GALNT13: variants seen among roughly 807,000 people sequenced by gnomAD.
GALNT13 encodes polypeptide N-acetylgalactosaminyltransferase 13.
A neutral mutation model predicts 64.2 loss-of-function variants in GALNT13; 28 were observed. That is an observed-to-expected ratio of 0.44 (90% CI 0.32 to 0.60). GALNT13 has a LOEUF of 0.60. Ranked by LOEUF, GALNT13 falls within the 20% of genes least tolerant of loss-of-function variation. The pLI is 0.05. For missense variants in GALNT13, 577 were observed against 669.8 expected, an observed-to-expected ratio of 0.86 and a Z score of 1.53; for synonymous variants, 214 against 224.6, an observed-to-expected ratio of 0.95 and a Z score of 0.42.
intron 1 of GALNT13, among the ~76,000 whole-genome samples, chr2:153,883,906 T>A (rs72862089): frequency 0.011 from 1,659 of 152,180 alleles, 14 homozygotes; most frequent in Middle Eastern, 0.054. Flanking sequence ...TTTCAGTCAA[T>A]CTTACTTAAA....
intron 9 of GALNT13, among the ~76,000 whole-genome samples, chr2:154,370,131 A>T (rs1015096288): frequency 6.6e-6 from 1 of 152,040 alleles, no homozygotes; most frequent in African/African-American, 2.4e-5. Flanking sequence ...GTTTCAACAT[A>T]TGAAGTTTAG....
At chr2:153,231,098 C>T in the GALNT13 span, among the ~76,000 whole-genome samples, 1 of 152,096 alleles carries the variant, frequency 6.6e-6, no homozygotes, top group Non-Finnish European at 1.5e-5. Flanking sequence ...GCTCCTTCAT[C>T]GGTTTTAACT....
At chr2:153,588,662 G>A in the GALNT13 span, among the ~76,000 whole-genome samples, 1 of 152,180 alleles carries the variant, frequency 6.6e-6, no homozygotes. Flanking sequence ...TGGAGACATT[G>A]TCCCTATTGT....
the GALNT13 span, among the ~76,000 whole-genome samples, chr2:153,640,042 G>A: frequency 6.6e-6 from 1 of 152,114 alleles, no homozygotes; most frequent in Non-Finnish European, 1.5e-5. Context: ...GTAGGGTGAA[G>A]CAGTTGCCAA....
chr2:153,462,447 C>T, the GALNT13 span, among the ~76,000 whole-genome samples: 1 of 152,096 alleles, frequency 6.6e-6, no homozygotes, highest in African/African-American at 2.4e-5. Flanking sequence ...ATTAGCTCTG[C>T]TTATGCCTGT....
intron 1 of GALNT13, among the ~76,000 whole-genome samples, chr2:153,885,844 C>T (rs1687137040): frequency 6.6e-6 from 1 of 152,058 alleles, no homozygotes; most frequent in Admixed American, 6.6e-5. Context: ...ACTAGCTATT[C>T]CTAATTAACG....
chr2:154,176,695 C>A (rs1685674967), intron 4 of GALNT13, among the ~76,000 whole-genome samples: 1 of 151,980 alleles, frequency 6.6e-6, no homozygotes, highest in African/African-American at 2.4e-5. Flanking sequence ...AAGAGGAAAA[C>A]CATGATTAAG....
chr2:153,604,546 C>T, the GALNT13 span, among the ~76,000 whole-genome samples: 95 of 152,054 alleles, frequency 6.2e-4, 2 homozygotes, highest in South Asian at 4.1e-4. Context: ...GAGCAATATC[C>T]TATTTAAATT....
chr2:153,889,298 A>G (rs1687387382), intron 1 of GALNT13, among the ~76,000 whole-genome samples: 2 of 151,908 alleles, frequency 1.3e-5, no homozygotes, highest in South Asian at 4.1e-4. Flanking sequence ...AAATTTTGCC[A>G]GGTGGATTAA....
the GALNT13 span, among the ~76,000 whole-genome samples, chr2:153,439,677 A>G: frequency 6.6e-6 from 1 of 152,160 alleles, no homozygotes; most frequent in Non-Finnish European, 1.5e-5. Flanking sequence ...AAAGCATAGT[A>G]TTAGGGTGGG....
At chr2:154,171,891 A>G (rs1685367038) in intron 4 of GALNT13, among the ~76,000 whole-genome samples, 1 of 151,882 alleles carries the variant, frequency 6.6e-6, no homozygotes, top group Admixed American at 6.6e-5. Context: ...ATTACTTGCC[A>G]TCACTTGCCA....
At chr2:153,217,646 G>T in the GALNT13 span, among the ~76,000 whole-genome samples, 1 of 148,376 alleles carries the variant, frequency 6.7e-6, no homozygotes, top group East Asian at 1.9e-4. Context: ...CTCTTACTGT[G>T]ATTTTTATTT....
intron 3 of GALNT13, among the ~76,000 whole-genome samples, chr2:153,989,524 C>T (rs1398080872): frequency 6.6e-6 from 1 of 151,932 alleles, no homozygotes; most frequent in Non-Finnish European, 1.5e-5. Flanking sequence ...ATGAAGAGTA[C>T]TTCGTCTTTG....
At chr2:154,000,996 A>C (rs573181869) in intron 3 of GALNT13, among the ~76,000 whole-genome samples, 1 of 152,080 alleles carries the variant, frequency 6.6e-6, no homozygotes, top group African/African-American at 2.4e-5. Flanking sequence ...ACATGTTTAC[A>C]ATTGCTATAT....
chr2:153,145,371 C>G, the GALNT13 span, among the ~76,000 whole-genome samples: 1 of 151,824 alleles, frequency 6.6e-6, no homozygotes, highest in Non-Finnish European at 1.5e-5. Flanking sequence ...ATTCTGAAAA[C>G]ATGTATAGCC....
the GALNT13 span, among the ~76,000 whole-genome samples, chr2:153,708,168 A>G: frequency 7.2e-5 from 11 of 152,156 alleles, no homozygotes; most frequent in African/African-American, 2.4e-4. Flanking sequence ...TAGAATGAAA[A>G]AAAAAGTATT....
chr2:153,748,954 C>T, the GALNT13 span, among the ~76,000 whole-genome samples: 3 of 151,968 alleles, frequency 2.0e-5, no homozygotes. Flanking sequence ...GTAGTTTCAT[C>T]ATTTGAAGTC....
At chr2:154,295,560 A>G (rs1692876666) in intron 8 of GALNT13, among the ~76,000 whole-genome samples, 1 of 151,694 alleles carries the variant, frequency 6.6e-6, no homozygotes, top group African/African-American at 2.4e-5. Context: ...TTTAGTAGAG[A>G]CGAGGTTTTA....
the GALNT13 span, among the ~76,000 whole-genome samples, chr2:153,632,036 G>A: frequency 4.6e-5 from 7 of 152,014 alleles, no homozygotes; most frequent in Non-Finnish European, 1.0e-4. Context: ...ACTGTCCAAG[G>A]CAAAACAGCA....
Sources: allele counts gnomAD v4.1 joint callset (sites outside exome capture counted in the v4.1 genomes callset), GRCh38; gene constraint gnomAD v4.1.1; transcripts MANE v1.5; gene names NCBI Gene and HGNC (gene_info 2026-07-23, HGNC 2026-07-21).